SIPA1L1: variants seen among roughly 807,000 people sequenced by gnomAD.
The protein encoded by SIPA1L1 is signal induced proliferation associated 1 like 1.
A neutral mutation model predicts 162.7 loss-of-function variants in SIPA1L1; 26 were observed. The ratio of observed to expected loss-of-function variants is 0.16; its 90% CI spans 0.12 to 0.22. SIPA1L1 has a LOEUF of 0.22. SIPA1L1 is among the 10% of genes least tolerant of loss of function. SIPA1L1 has a pLI of 1.00. For missense variants in SIPA1L1, 1,874 were observed against 2,241.0 expected, an observed-to-expected ratio of 0.84 and a Z score of 3.31; for synonymous variants, 829 against 837.4, an observed-to-expected ratio of 0.99 and a Z score of 0.17.
At chr14:71,623,268 A>G (rs930039597) in intron 6 of SIPA1L1, among the ~76,000 whole-genome samples, 1 of 152,162 alleles carries the variant, frequency 6.6e-6, no homozygotes, top group African/African-American at 2.4e-5. Flanking sequence ...AAATGTATTC[A>G]GTTTGATGGG....
At chr14:71,594,313 C>G (rs1456075832) in intron 5 of SIPA1L1, among the ~76,000 whole-genome samples, 2 of 152,184 alleles carry the variant, frequency 1.3e-5, no homozygotes, top group East Asian at 1.9e-4. Flanking sequence ...AAATAAGCAT[C>G]ATTAAATAGC....
chr14:71,562,229 G>T (rs999057563), intron 4 of SIPA1L1, among the ~76,000 whole-genome samples: 1 of 151,716 alleles, frequency 6.6e-6, no homozygotes, highest in Non-Finnish European at 1.5e-5. Context: ...GAAAAAAAAT[G>T]ATACTTTTGT....
chr14:71,598,992 C>T (rs1198380268), intron 5 of SIPA1L1, among the ~76,000 whole-genome samples: 1 of 152,124 alleles, frequency 6.6e-6, no homozygotes, highest in East Asian at 1.9e-4. Context: ...TGATATCTAT[C>T]GTTACACTCT....
chr14:71,663,439 C>CT (rs2043717663), intron 10 of SIPA1L1, among the ~76,000 whole-genome samples: 1 of 152,218 alleles, frequency 6.6e-6, no homozygotes, highest in African/African-American at 2.4e-5. Flanking sequence ...TCCAAATGGA[C>CT]TTTTAAAAAT....
chr14:71,335,155 C>A (rs1286336966), intron 2 of SIPA1L1, among the ~76,000 whole-genome samples: 2 of 152,082 alleles, frequency 1.3e-5, no homozygotes, highest in African/African-American at 4.8e-5. Context: ...AAAAAATTAG[C>A]CGGGCGTGGT....
chr14:71,705,388 C>T (rs1475987199), intron 16 of SIPA1L1, 48 bp downstream of exon 16: 3 of 1,314,368 alleles, frequency 2.3e-6, no homozygotes, highest in South Asian at 1.2e-5. Flanking sequence ...TAGCAGTGTA[C>T]CTTCCTTGCA....
intron 2 of SIPA1L1, among the ~76,000 whole-genome samples, chr14:71,347,696 A>C (rs1022628845): frequency 3.3e-5 from 5 of 151,852 alleles, no homozygotes; most frequent in South Asian, 2.1e-4. Flanking sequence ...TTTTCTTTTT[A>C]TTTTTGCTGT....
intron 2 of SIPA1L1, among the ~76,000 whole-genome samples, chr14:71,367,969 C>G (rs1180606088): frequency 6.8e-6 from 1 of 146,470 alleles, no homozygotes; most frequent in Non-Finnish European, 1.5e-5. Context: ...GATTTATTTC[C>G]GGGGCATTGG....
intron 12 of SIPA1L1, among the ~76,000 whole-genome samples, chr14:71,673,339 G>T (rs532666070): frequency 1.2e-4 from 19 of 152,184 alleles, no homozygotes; most frequent in Non-Finnish European, 2.2e-4. Flanking sequence ...ACATGCACAT[G>T]CTATTTTTGC....
chr14:71,534,271 A>C (rs1410551728), intron 4 of SIPA1L1, among the ~76,000 whole-genome samples: 1 of 152,180 alleles, frequency 6.6e-6, no homozygotes, highest in African/African-American at 2.4e-5. Context: ...ATTTGTATAA[A>C]TAATTGGGTC....
chr14:71,548,314 A>G (rs2055440175), intron 4 of SIPA1L1, among the ~76,000 whole-genome samples: 1 of 152,236 alleles, frequency 6.6e-6, no homozygotes, highest in Non-Finnish European at 1.5e-5. Flanking sequence ...GTCTGCTGTC[A>G]GCGTTTTATT....
intron 4 of SIPA1L1, among the ~76,000 whole-genome samples, chr14:71,579,963 T>A (rs952441023): frequency 2.6e-5 from 4 of 152,182 alleles, no homozygotes; most frequent in Admixed American, 1.3e-4. Context: ...GACTTGAGGA[T>A]AGAGATGGCG....
intron 14 of SIPA1L1, among the ~76,000 whole-genome samples, chr14:71,700,024 T>A (rs947969814): frequency 1.3e-5 from 2 of 152,234 alleles, no homozygotes; most frequent in Non-Finnish European, 2.9e-5. Context: ...TTATCTTAGC[T>A]CTTCAGGACT....
chr14:71,738,893 G>C, intron 23 of SIPA1L1, 125 bp from the exon 24 acceptor site: 7 of 1,108,710 alleles, frequency 6.3e-6, no homozygotes, highest in Admixed American at 2.4e-5. Context: ...GTTTAGACAG[G>C]TGTTTGGAGG....
intron 2 of SIPA1L1, among the ~76,000 whole-genome samples, 179 bp from the exon 3 acceptor site, chr14:71,512,564 C>T (rs1595846761): frequency 7.2e-6 from 1 of 139,410 alleles, no homozygotes; most frequent in African/African-American, 2.7e-5. Context: ...TCCAGCCTGG[C>T]GACAGAGCGA....
chr14:71,481,627 A>G (rs1325117433), intron 2 of SIPA1L1, among the ~76,000 whole-genome samples: 1 of 152,272 alleles, frequency 6.6e-6, no homozygotes. Context: ...CTGGTGAAAA[A>G]CAAATATAGT....
At chr14:71,571,079 G>T (rs529839020) in intron 4 of SIPA1L1, among the ~76,000 whole-genome samples, 1 of 152,324 alleles carries the variant, frequency 6.6e-6, no homozygotes, top group South Asian at 2.1e-4. Context: ...ATAGGCATGG[G>T]GCACTGCACC....
rs377100599 is a variant in SIPA1L1 at position 71,658,450 on chromosome 14, C to G, written c.2097+14C>G. 56 of 1,455,594 alleles carry G rather than the reference C, an allele frequency of 3.8e-5. No individual in the cohort carries two copies. The highest frequency in any genetic ancestry group is 4.7e-5 in the Non-Finnish European group (49 of 1,035,680). The allele number at this position is 1,455,594 out of a possible 1,614,324, so 90.2% of individuals were successfully genotyped here. A position where few individuals can be genotyped will look rare whatever the true frequency, so the allele number is the denominator to read the frequency against. ...AACAAACAACAGGTAAGAGATCCTC[C>G]TGTTATCTGTGTTTTCACCCTTGTT... On this transcript the variant is annotated intron_variant, in intron 9 of 23. Coordinates refer to ENST00000381232, the MANE Select transcript of SIPA1L1 (RefSeq NM_001386936.1).
chr14:71,677,244 A>G (rs1380704892), intron 12 of SIPA1L1, among the ~76,000 whole-genome samples: 2 of 152,040 alleles, frequency 1.3e-5, no homozygotes, highest in Non-Finnish European at 2.9e-5. Context: ...GCATTTTTTC[A>G]TGTGTCTGTT....
Sources: gnomAD v4.1 joint callset for allele counts (sites outside exome capture counted in the v4.1 genomes callset) on GRCh38, gnomAD v4.1.1 for gene constraint, MANE v1.5 for transcripts, NCBI Gene and HGNC (gene_info 2026-07-23, HGNC 2026-07-21) for gene names.